NAA11: variants seen among roughly 807,000 people sequenced by gnomAD.
The protein encoded by NAA11 is N-alpha-acetyltransferase 11.
In NAA11, 15 loss-of-function variants were observed where a neutral mutation model predicts 16.1. That is an observed-to-expected ratio of 0.93 (90% CI 0.62 to 1.44). The LOEUF is 1.44. Ranked by LOEUF, NAA11 falls within the 40% of genes most tolerant of loss-of-function variation. The pLI is 0.00. For missense variants in NAA11, 298 were observed against 291.3 expected (o/e 1.02, Z -0.17); for synonymous variants, 122 against 112.4 (o/e 1.09, Z -0.54).
chr4:79,158,212 G>A, the NAA11 span, among the ~76,000 whole-genome samples: 470 of 151,990 alleles, frequency 3.1e-3, 1 homozygote, highest in African/African-American at 0.011. Flanking sequence ...ATGATGATAA[G>A]ATCTTATGCC....
chr4:79,305,281 T>A (rs887591363), intron 1 of NAA11: 3 of 152,360 alleles, frequency 2.0e-5, no homozygotes, highest in Middle Eastern at 3.4e-3. Context: ...ATACTTTACA[T>A]AGATCTTAAA....
chr4:79,187,218 A>G, the NAA11 span, among the ~76,000 whole-genome samples: 4 of 152,206 alleles, frequency 2.6e-5, no homozygotes, highest in Admixed American at 1.3e-4. Context: ...TGAATAACAG[A>G]TATCATTTCT....
intron 2 of NAA11, among the ~76,000 whole-genome samples, chr4:79,247,562 A>G (rs76567382): frequency 0.015 from 2,245 of 152,252 alleles, 47 homozygotes; most frequent in African/African-American, 0.051. Flanking sequence ...AACATAGCCA[A>G]CTAAATACAG....
At chr4:79,249,012 T>C (rs1721924724) in intron 2 of NAA11, among the ~76,000 whole-genome samples, 1 of 151,916 alleles carries the variant, frequency 6.6e-6, no homozygotes, top group Non-Finnish European at 1.5e-5. Flanking sequence ...GTGCAGCAGG[T>C]TCCTAACTGT....
At chr4:79,292,225 CAG>C (rs1281839307) in intron 2 of NAA11, among the ~76,000 whole-genome samples, 1 of 152,214 alleles carries the variant, frequency 6.6e-6, no homozygotes, top group Non-Finnish European at 1.5e-5. Flanking sequence ...TGCAGAATCT[CAG>C]AGGAGCAAAC....
At chr4:79,185,280 C>A in the NAA11 span, among the ~76,000 whole-genome samples, 302 of 152,276 alleles carry the variant, frequency 2.0e-3, 2 homozygotes, top group African/African-American at 6.9e-3. Flanking sequence ...AGTCACAAAT[C>A]TTTCACAGAA....
chr4:79,260,348 G>T (rs1722220595), intron 2 of NAA11, among the ~76,000 whole-genome samples: 1 of 152,188 alleles, frequency 6.6e-6, no homozygotes, highest in Non-Finnish European at 1.5e-5. Flanking sequence ...ATCTTGGAAG[G>T]TGGAAAAACT....
chr4:79,307,767 C>T (rs1357693262), intron 1 of NAA11, among the ~76,000 whole-genome samples: 2 of 152,092 alleles, frequency 1.3e-5, no homozygotes, highest in African/African-American at 4.8e-5. Flanking sequence ...AACAATTTTG[C>T]ACAAACAATT....
chr4:79,220,252 C>A, the NAA11 span, among the ~76,000 whole-genome samples: 1 of 152,106 alleles, frequency 6.6e-6, no homozygotes, highest in Admixed American at 6.6e-5. Flanking sequence ...GCCACTACGC[C>A]CGGCTAATTT....
chr4:79,189,145 C>CA, the NAA11 span, among the ~76,000 whole-genome samples: 14,388 of 42,278 alleles, frequency 0.34, 3,810 homozygotes, highest in Middle Eastern at 0.5. Context: ...GACTCCATCT[C>CA]AAAAAAAAAA....
At chr4:79,174,494 C>T in the NAA11 span, among the ~76,000 whole-genome samples, 1 of 151,952 alleles carries the variant, frequency 6.6e-6, no homozygotes, top group Non-Finnish European at 1.5e-5. Flanking sequence ...AAGGTTACAC[C>T]CTGCTGTGGC....
At chr4:79,162,930 C>G in the NAA11 span, among the ~76,000 whole-genome samples, 1 of 152,158 alleles carries the variant, frequency 6.6e-6, no homozygotes, top group African/African-American at 2.4e-5. Flanking sequence ...TATATACTAA[C>G]AACATATGTG....
chr4:79,321,321 CTT>C (rs1312398128), intron 1 of NAA11, among the ~76,000 whole-genome samples: 1 of 152,232 alleles, frequency 6.6e-6, no homozygotes, highest in Non-Finnish European at 1.5e-5. Context: ...TCCTTCCTTT[CTT>C]TCCTGAGCAC....
At chr4:79,280,027 AG>A (rs1722748138) in intron 2 of NAA11, among the ~76,000 whole-genome samples, 1 of 152,116 alleles carries the variant, frequency 6.6e-6, no homozygotes, top group Non-Finnish European at 1.5e-5. Context: ...CACAAAGAAA[AG>A]TTCTGAAGAT....
the NAA11 span, among the ~76,000 whole-genome samples, chr4:79,155,993 G>T: frequency 6.6e-6 from 1 of 152,124 alleles, no homozygotes; most frequent in Non-Finnish European, 1.5e-5. Flanking sequence ...CATTATTTCT[G>T]TAGTCATTTA....
the NAA11 span, among the ~76,000 whole-genome samples, chr4:79,156,327 G>GTATATA: frequency 8.3e-5 from 5 of 60,256 alleles, no homozygotes; most frequent in African/African-American, 1.9e-4. Flanking sequence ...GTGTGTGTGT[G>GTATATA]TGTATATATA....
At chr4:79,157,042 A>G in the NAA11 span, among the ~76,000 whole-genome samples, 1 of 152,206 alleles carries the variant, frequency 6.6e-6, no homozygotes, top group East Asian at 1.9e-4. Flanking sequence ...ATTTTTTTAA[A>G]TGACAGTTAT....
chr4:79,202,257 T>G, the NAA11 span, among the ~76,000 whole-genome samples: 1 of 151,594 alleles, frequency 6.6e-6, no homozygotes, highest in Non-Finnish European at 1.5e-5. Flanking sequence ...AATGTAATAC[T>G]ATCCAGCCAT....
chr4:79,248,894 A>G (rs1721917628), intron 2 of NAA11, among the ~76,000 whole-genome samples: 1 of 152,194 alleles, frequency 6.6e-6, no homozygotes, highest in African/African-American at 2.4e-5. Context: ...GCACTGACAC[A>G]TGCAAGTGAT....
Sources: gnomAD v4.1 joint callset for allele counts (sites outside exome capture counted in the v4.1 genomes callset) on GRCh38, gnomAD v4.1.1 for gene constraint, MANE v1.5 for transcripts, NCBI Gene and HGNC (gene_info 2026-07-23, HGNC 2026-07-21) for gene names.